TMCC2: variants seen among roughly 807,000 people sequenced by gnomAD.
TMCC2 encodes the protein transmembrane and coiled-coil domains protein 2.
A neutral mutation model predicts 49.4 loss-of-function variants in TMCC2; 16 were observed. The ratio of observed to expected loss-of-function variants is 0.32; its 90% confidence interval spans 0.22 to 0.49. The LOEUF (loss-of-function observed/expected upper bound fraction) is 0.49. TMCC2 is among the 20% of genes least tolerant of loss of function. The pLI is 0.99. For missense variants in TMCC2, 762 were observed against 989.8 expected, an observed-to-expected ratio of 0.77 and a Z score of 3.09; for synonymous variants, 397 against 434.1, an observed-to-expected ratio of 0.91 and a Z score of 1.06.
chr1:205,272,100 G>A lies in TMCC2; in HGVS notation c.2106G>A (p.Leu702=). ...WKHWDSLTYL[L]EHVLLPS is the part of the protein sequence containing the mutation. ...ACTGGGACTCCCTCACCTACCTCCT[G>A]GAGCACGTGTTGCTGCCCAGCTGAG... is the stretch of plus-strand genomic sequence containing the variant. Residue 702 remains leucine, a synonymous_variant, in exon 5 of 5, where the codon CTG becomes CTA. Transcript: ENST00000358024. The A allele has an allele frequency of 6.2e-7, 1 of 1,613,160 alleles. No homozygotes were observed. The highest frequency in any genetic ancestry group is 1.1e-5 in the South Asian group (1 of 91,084).
intron 1 of TMCC2, among the ~76,000 whole-genome samples, chr1:205,236,327 T>G (rs1276660679): frequency 1.3e-5 from 2 of 152,194 alleles, no homozygotes; most frequent in Non-Finnish European, 2.9e-5. Context: ...GGGTTTAAAC[T>G]GCAGCAGGAG....
intron 2 of TMCC2, among the ~76,000 whole-genome samples, chr1:205,246,872 G>A (rs1035245225): frequency 2.0e-5 from 3 of 152,072 alleles, no homozygotes; most frequent in Non-Finnish European, 2.9e-5. Context: ...GGGCACTGTC[G>A]GAAGCTGGTG....
rs1386243317 is a variant in TMCC2 at position 205,272,232 on chromosome 1, T to G, written c.*108T>G. On this transcript the variant is annotated 3_prime_UTR_variant, in exon 5 of 5. Coordinates refer to ENST00000358024, the MANE Select transcript of TMCC2 (RefSeq NM_014858.4). ...GTCCAGTTTGGCCTCCTGCCCAAAC[T>G]GTCCATTCCAGCAGCTCCTGCCCCC... 3 of 1,486,254 alleles carry G rather than the reference T, an allele frequency of 2.0e-6. No homozygotes were observed. The African/African-American group carries it at 4.2e-5, about 21-fold the overall frequency. 92.1% of individuals were successfully genotyped at this position (1,486,254 alleles called of 1,614,324 possible).
chr1:205,246,565 T>A, intron 2 of TMCC2: 1 of 1,546,562 alleles, frequency 6.5e-7, no homozygotes. Context: ...CTGCACGCGT[T>A]GGCTAAAAGG....
In TMCC2 at chr1:205,261,356, C is replaced by T. The variant is rs564381858; in HGVS notation, c.748-7594C>T. ...AGTAGCTGGGACTACAGGCATGCAC[C>T]ACCACACCTGGCTGTTTTTTTATTT... On this transcript the variant is annotated intron_variant, in intron 2 of 4. Coordinates refer to ENST00000358024, the MANE Select transcript of TMCC2 (RefSeq NM_014858.4). Among the ~76,000 whole-genome samples, 398 of 149,134 alleles carry T rather than the reference C, an allele frequency of 2.7e-3. 1 individual carries two copies. Among genetic ancestry groups the T allele is most frequent in the Middle Eastern group, 0.01 (3 of 292 alleles).
chr1:205,228,917 G>C, intron 1 of TMCC2, 146 bp downstream of exon 1: 1 of 1,432,192 alleles, frequency 7.0e-7, no homozygotes, highest in Non-Finnish European at 9.1e-7. Context: ...GGCACCCCAG[G>C]GGGGACGTCA....
chr1:205,231,522 C>G (rs1363489900), intron 1 of TMCC2, among the ~76,000 whole-genome samples: 1 of 152,100 alleles, frequency 6.6e-6, no homozygotes, highest in Non-Finnish European at 1.5e-5. Context: ...GTCTTGAACT[C>G]CTGGACTCAA....
At chr1:205,265,118 A>T (rs1158970648) in intron 2 of TMCC2, among the ~76,000 whole-genome samples, 1 of 152,136 alleles carries the variant, frequency 6.6e-6, no homozygotes, top group East Asian at 1.9e-4. Flanking sequence ...GGACGGAAGG[A>T]GCTGGTGTCC....
At chr1:205,247,177 A>G (rs1324577793) in intron 2 of TMCC2, among the ~76,000 whole-genome samples, 3 of 152,174 alleles carry the variant, frequency 2.0e-5, no homozygotes, top group Non-Finnish European at 2.9e-5. Flanking sequence ...GTTGATCTTT[A>G]TAACATACCT....
At chr1:205,257,826 G>T (rs1660939312) in intron 2 of TMCC2, among the ~76,000 whole-genome samples, 1 of 152,178 alleles carries the variant, frequency 6.6e-6, no homozygotes, top group South Asian at 2.1e-4. Context: ...GAGTTTTTAG[G>T]GAATTCAGAG....
At chr1:205,230,626 C>T (rs896773074) in intron 1 of TMCC2, among the ~76,000 whole-genome samples, 13 of 152,134 alleles carry the variant, frequency 8.5e-5, no homozygotes, top group Non-Finnish European at 1.5e-4. Flanking sequence ...ATGAGACCCT[C>T]AGCTGAGTCT....
intron 2 of TMCC2, among the ~76,000 whole-genome samples, chr1:205,254,273 C>T (rs1476257898): frequency 6.6e-6 from 1 of 152,218 alleles, no homozygotes; most frequent in Non-Finnish European, 1.5e-5. Flanking sequence ...TTCACCTTAA[C>T]CCCCTGTCTT....
intron 1 of TMCC2, among the ~76,000 whole-genome samples, chr1:205,237,647 T>C (rs539793613): frequency 2.2e-4 from 34 of 152,400 alleles, no homozygotes; most frequent in African/African-American, 8.2e-4. Flanking sequence ...TTTGTATTCA[T>C]GCAGCTGTGT....
chr1:205,272,148 G>C lies in TMCC2; in HGVS notation c.*24G>C. 1 of 1,603,302 alleles carries C rather than the reference G, an allele frequency of 6.2e-7. No individual in the cohort carries two copies. The highest frequency in any genetic ancestry group is 1.1e-5 in the South Asian group (1 of 90,684). On this transcript the variant is annotated 3_prime_UTR_variant, in exon 5 of 5. Coordinates refer to ENST00000358024, the MANE Select transcript of TMCC2 (RefSeq NM_014858.4). The stretch of plus-strand genomic sequence containing the variant: ...GAGTGGCCAGCCACACCAACCCTGT[G>C]CTCTCTGGCCCCCAGCTGGCCACAC...
chr1:205,257,356 T>C, intron 2 of TMCC2: 2 of 1,232,116 alleles, frequency 1.6e-6, no homozygotes, highest in Non-Finnish European at 1.0e-6. Flanking sequence ...CGGGAAACAG[T>C]GCCCACACAG....
At chr1:205,257,337 G>A (rs1660918242) in intron 2 of TMCC2, 2 of 1,232,144 alleles carry the variant, frequency 1.6e-6, no homozygotes. Flanking sequence ...CTCATCGCCG[G>A]CACGGCTTCG....
chr1:205,247,105 T>G (rs1660484365), intron 2 of TMCC2, among the ~76,000 whole-genome samples: 1 of 152,204 alleles, frequency 6.6e-6, no homozygotes, highest in Non-Finnish European at 1.5e-5. Context: ...GGGAAATGGT[T>G]GTTCTTGTGA....
chr1:205,240,215 G>T (rs887069461), intron 1 of TMCC2, among the ~76,000 whole-genome samples: 4 of 152,336 alleles, frequency 2.6e-5, no homozygotes, highest in African/African-American at 9.6e-5. Context: ...CAACCTGGCC[G>T]GATAAGCCGT....
rs1659654262 is a variant in TMCC2, at chr1:205,228,384, C to T, written c.-181C>T. 1 of 558,900 alleles carries T rather than the reference C, an allele frequency of 1.8e-6. No homozygotes were observed. The highest frequency in any genetic ancestry group is 2.8e-5 in the East Asian group (1 of 35,326). 34.6% of individuals were successfully genotyped at this position (558,900 alleles called of 1,614,324 possible). ...CAAGCTATAACCAAGGCTCCCCCTT[C>T]TCGCCCCTCCCTCACCCGCCTTTAA... is the stretch of plus-strand genomic sequence containing the variant. On this transcript the variant is annotated 5_prime_UTR_variant, in exon 1 of 5. Transcript: ENST00000358024.
Sources: gnomAD v4.1 joint callset for allele counts (sites outside exome capture counted in the v4.1 genomes callset) on GRCh38, gnomAD v4.1.1 for gene constraint, MANE v1.5 for transcripts, NCBI Gene and HGNC (gene_info 2026-07-23, HGNC 2026-07-21) for gene names.